Variants in MDGA2 observed in about 807,000 individuals in gnomAD.
The protein encoded by MDGA2 is MAM domain containing glycosylphosphatidylinositol anchor 2.
A neutral mutation model predicts 117.8 loss-of-function variants in MDGA2; 40 were observed. The observed-to-expected ratio is 0.34, with a 90% confidence interval of 0.26 to 0.44. The LOEUF (loss-of-function observed/expected upper bound fraction) is 0.44. MDGA2 is among the 20% of genes least tolerant of loss of function. The pLI, the probability that MDGA2 is intolerant of heterozygous loss-of-function variation, is 1.00. For synonymous variants in MDGA2, 452 were observed against 439.0 expected, an observed-to-expected ratio of 1.03 and a Z score of -0.37; for missense variants, 1,123 against 1,250.6, an observed-to-expected ratio of 0.90 and a Z score of 1.54.
intron 14 of MDGA2, among the ~76,000 whole-genome samples, chr14:46,868,318 TAAAC>T (rs1244581557): frequency 1.3e-5 from 2 of 152,132 alleles, no homozygotes; most frequent in African/African-American, 4.8e-5. Flanking sequence ...TTCAATTAGA[TAAAC>T]AAATATTTAT....
intron 2 of MDGA2, among the ~76,000 whole-genome samples, chr14:47,267,894 A>T (rs975998634): frequency 1.3e-5 from 2 of 152,168 alleles, no homozygotes; most frequent in Admixed American, 6.5e-5. Flanking sequence ...GGTGCTCAAC[A>T]TTAGGGTCAA....
intron 1 of MDGA2, among the ~76,000 whole-genome samples, chr14:47,476,805 G>A (rs1029718032): frequency 1.3e-5 from 2 of 152,184 alleles, no homozygotes; most frequent in African/African-American, 4.8e-5. Flanking sequence ...AGCACTGAAA[G>A]CCAGTTCTGA....
intron 3 of MDGA2, among the ~76,000 whole-genome samples, chr14:47,173,765 C>A (rs1463982597): frequency 2.0e-5 from 3 of 152,096 alleles, no homozygotes; most frequent in Non-Finnish European, 4.4e-5. Flanking sequence ...AACCAGCTAA[C>A]ATCATAATGA....
intron 3 of MDGA2, among the ~76,000 whole-genome samples, chr14:47,215,302 C>A (rs1886045794): frequency 6.6e-6 from 1 of 152,062 alleles, no homozygotes; most frequent in African/African-American, 2.4e-5. Context: ...AGCTGTCCAA[C>A]ATTCAATCAA....
chr14:47,078,841 T>C (rs1890594115), intron 6 of MDGA2, among the ~76,000 whole-genome samples: 1 of 152,110 alleles, frequency 6.6e-6, no homozygotes, highest in Admixed American at 6.5e-5. Flanking sequence ...TCTAGGAAGC[T>C]ACTAATATTT....
chr14:47,163,349 C>T (rs1883721433), intron 3 of MDGA2, among the ~76,000 whole-genome samples: 1 of 152,162 alleles, frequency 6.6e-6, no homozygotes, highest in Non-Finnish European at 1.5e-5. Flanking sequence ...CATCATGTAG[C>T]TCACATAATT....
At chr14:46,894,440 G>C (rs1883001530) in intron 10 of MDGA2, among the ~76,000 whole-genome samples, 1 of 151,890 alleles carries the variant, frequency 6.6e-6, no homozygotes, top group Non-Finnish European at 1.5e-5. Context: ...CATTGGGAAG[G>C]CCTAATTATG....
intron 2 of MDGA2, among the ~76,000 whole-genome samples, chr14:47,266,235 A>G (rs944255416): frequency 6.6e-6 from 1 of 152,124 alleles, no homozygotes; most frequent in Non-Finnish European, 1.5e-5. Context: ...TTATCATATT[A>G]TCTCTACTCA....
At chr14:46,897,108 A>C (rs2138433837) in intron 10 of MDGA2, among the ~76,000 whole-genome samples, 1 of 152,260 alleles carries the variant, frequency 6.6e-6, no homozygotes, top group South Asian at 2.1e-4. Flanking sequence ...TACATATTTT[A>C]AATGTTTTTC....
intron 1 of MDGA2, among the ~76,000 whole-genome samples, chr14:47,653,259 A>G (rs1276843140): frequency 1.3e-5 from 2 of 152,156 alleles, no homozygotes; most frequent in Non-Finnish European, 2.9e-5. Flanking sequence ...AATAGATTTC[A>G]TTCATCCAGG....
intron 8 of MDGA2, among the ~76,000 whole-genome samples, chr14:46,990,494 T>A (rs569094943): frequency 6.6e-6 from 1 of 152,186 alleles, no homozygotes; most frequent in East Asian, 1.9e-4. Flanking sequence ...CTGAGAAGTA[T>A]TGCAAACATA....
intron 1 of MDGA2, among the ~76,000 whole-genome samples, chr14:47,446,771 A>C (rs1440970272): frequency 6.6e-6 from 1 of 152,096 alleles, no homozygotes; most frequent in Non-Finnish European, 1.5e-5. Flanking sequence ...ATGTGGATGT[A>C]GAAAATTTTA....
At chr14:46,905,888 A>AGGGTCAACAGGTATATAGT (rs1216038966) in intron 10 of MDGA2, among the ~76,000 whole-genome samples, 1 of 152,088 alleles carries the variant, frequency 6.6e-6, no homozygotes, top group African/African-American at 2.4e-5. Context: ...TAAATCCCTG[A>AGGGTCAACAGGTATATAGT]GGGTCAACAG....
intron 1 of MDGA2, among the ~76,000 whole-genome samples, chr14:47,629,618 C>G (rs558843835): frequency 1.6e-4 from 25 of 152,284 alleles, no homozygotes; most frequent in Admixed American, 1.1e-3. Flanking sequence ...GGAGATACAA[C>G]TGTTTGTTAT....
chr14:47,606,470 A>AT (rs764387376), intron 1 of MDGA2, among the ~76,000 whole-genome samples: 1 of 152,188 alleles, frequency 6.6e-6, no homozygotes, highest in Non-Finnish European at 1.5e-5. Flanking sequence ...GTTTAAATGT[A>AT]TTTATTATAT....
chr14:46,956,941 C>T (rs1885584911), intron 9 of MDGA2, among the ~76,000 whole-genome samples: 1 of 152,088 alleles, frequency 6.6e-6, no homozygotes, highest in Non-Finnish European at 1.5e-5. Context: ...TCTTTGCTGC[C>T]ACCATGTGAA....
intron 2 of MDGA2, among the ~76,000 whole-genome samples, chr14:47,252,195 A>G (rs1887470850): frequency 6.6e-6 from 1 of 152,186 alleles, no homozygotes; most frequent in East Asian, 1.9e-4. Context: ...AAGGTAGGAT[A>G]CAACATAGAA....
intron 8 of MDGA2, among the ~76,000 whole-genome samples, chr14:46,984,633 A>G (rs1886800364): frequency 6.6e-6 from 1 of 151,940 alleles, no homozygotes; most frequent in South Asian, 2.1e-4. Flanking sequence ...ATCTTACACA[A>G]TGGATTTATA....
chr14:47,419,108 C>A (rs1230410370), intron 1 of MDGA2, among the ~76,000 whole-genome samples: 1 of 152,112 alleles, frequency 6.6e-6, no homozygotes, highest in African/African-American at 2.4e-5. Context: ...TATCAGTTAT[C>A]CATCTGCCAG....
Sources: gnomAD v4.1 joint callset for allele counts (sites outside exome capture counted in the v4.1 genomes callset) on GRCh38, gnomAD v4.1.1 for gene constraint, MANE v1.5 for transcripts, NCBI Gene and HGNC (gene_info 2026-07-23, HGNC 2026-07-21) for gene names.